The following GSE1 variants were observed in gnomAD, a reference collection of about 807,000 sequenced individuals.
GSE1 encodes genetic suppressor element 1.
In GSE1, 32 loss-of-function variants were observed where a neutral mutation model predicts 112.6. The ratio of observed to expected loss-of-function variants is 0.28; its 90% CI spans 0.21 to 0.38. The LOEUF is 0.38. Ranked by LOEUF, GSE1 falls within the 10% of genes least tolerant of loss-of-function variation. The pLI is 1.00. For synonymous variants in GSE1, 1,115 were observed against 735.6 expected, an observed-to-expected ratio of 1.52 and a Z score of -8.35; for missense variants, 2,348 against 1,699.2, an observed-to-expected ratio of 1.38 and a Z score of -6.71.
intron 11 of GSE1, 140 bp from the exon 12 acceptor site, chr16:85,664,875 G>GCCTGCCCCATCACA: frequency 1.6e-6 from 1 of 630,240 alleles, no homozygotes; most frequent in Non-Finnish European, 2.9e-6. Flanking sequence ...TTTCAACTGG[G>GCCTGCCCCATCACA]CCTGCCCCAT....
chr16:85,258,628 C>T (rs900793901), intron 1 of GSE1, among the ~76,000 whole-genome samples: 44 of 152,272 alleles, frequency 2.9e-4, no homozygotes, highest in East Asian at 1.2e-3. Context: ...AGAGCCCCTT[C>T]TCCGCCTGTG....
intron 1 of GSE1, among the ~76,000 whole-genome samples, chr16:85,335,216 C>T (rs569969125): frequency 2.0e-5 from 3 of 152,372 alleles, no homozygotes; most frequent in East Asian, 1.9e-4. Context: ...ACACCCATCC[C>T]GGGAGGCCCC....
intron 2 of GSE1, among the ~76,000 whole-genome samples, chr16:85,451,182 T>C (rs1299794248): frequency 6.6e-6 from 1 of 151,362 alleles, no homozygotes; most frequent in Non-Finnish European, 1.5e-5. Context: ...CACAATCATA[T>C]ACAGCAAAAC....
intron 2 of GSE1, among the ~76,000 whole-genome samples, chr16:85,472,194 G>A (rs183132227): frequency 1.3e-5 from 2 of 152,262 alleles, no homozygotes; most frequent in East Asian, 1.9e-4. Context: ...TGTTTCCTGG[G>A]GCTGCCATGA....
chr16:85,485,820 C>T (rs2050817208), intron 2 of GSE1, among the ~76,000 whole-genome samples: 1 of 152,198 alleles, frequency 6.6e-6, no homozygotes, highest in Admixed American at 6.5e-5. Flanking sequence ...CCCCCTGCAG[C>T]CCCTACCCAA....
chr16:85,241,745 G>A (rs139578513), intron 1 of GSE1, among the ~76,000 whole-genome samples: 1,923 of 152,198 alleles, frequency 0.013, 43 homozygotes, highest in African/African-American at 0.044. Context: ...TCCTGGAGGC[G>A]GTGTGGCTCC....
rs1250279072 is a variant in GSE1, at chr16:85,668,144, C to T, written c.3135C>T (p.Ser1045=). 8 of 1,573,384 alleles carry T rather than the reference C, an allele frequency of 5.1e-6. No individual in the cohort carries two copies. Among genetic ancestry groups the T allele is most frequent in the East Asian group, 2.2e-5 (1 of 44,458 alleles). ...TQKALQKHKG[S]VAVLSAEQNH... is the part of the protein sequence containing the mutation. ...CAAGCCCTGTCCCCTCCACAGGGAGCGTGGCTGTGCTGTCTGCAGAGCAGA... is the reference window on the plus strand; with the variant it reads ...CAAGCCCTGTCCCCTCCACAGGGAGTGTGGCTGTGCTGTCTGCAGAGCAGA... The change falls in exon 14 of 16, where the codon AGC becomes AGT. Residue 1045 remains serine, a synonymous_variant. Coordinates refer to ENST00000253458, the MANE Select transcript of GSE1 (RefSeq NM_014615.5).
At chr16:85,485,895 A>G (rs886651910) in intron 2 of GSE1, among the ~76,000 whole-genome samples, 1 of 152,142 alleles carries the variant, frequency 6.6e-6, no homozygotes, top group African/African-American at 2.4e-5. Flanking sequence ...TCCCCCAAAC[A>G]CACACAGAGA....
chr16:85,341,648 CTCTG>C (rs1157382026), intron 1 of GSE1, among the ~76,000 whole-genome samples: 3 of 152,006 alleles, frequency 2.0e-5, no homozygotes, highest in Non-Finnish European at 2.9e-5. Context: ...CTGAGTGAAA[CTCTG>C]TCTCTAAATA....
chr16:85,436,020 G>A (rs1270944432), intron 2 of GSE1, among the ~76,000 whole-genome samples: 1 of 152,186 alleles, frequency 6.6e-6, no homozygotes, highest in Non-Finnish European at 1.5e-5. Context: ...TGCATTTCCA[G>A]GGCCAGAACC....
At position 85,326,054 on chromosome 16, in the gene GSE1, T is replaced by A. The variant is rs567323679; in HGVS notation, c.2284-31409T>A. Among the ~76,000 whole-genome samples, 4 of 152,124 alleles carry A rather than the reference T, an allele frequency of 2.6e-5. No individual in the cohort carries two copies. The East Asian group carries it at 7.7e-4, about 29-fold the overall frequency. On this transcript the variant is annotated intron_variant, in intron 1 of 2. Coordinates refer to the GSE1 transcript ENST00000637419. ...GAGCCACCACCCCCAGCTCAGTCAA[T>A]TTTAAAAATACGTTCATATGAAAAA... is the stretch of plus-strand genomic sequence containing the variant.
intron 1 of GSE1, among the ~76,000 whole-genome samples, chr16:85,567,610 T>C (rs1024495338): frequency 4.7e-5 from 7 of 149,370 alleles, no homozygotes; most frequent in African/African-American, 1.8e-4. Flanking sequence ...AGCGGAAAGC[T>C]GCACGGCCTT....
At chr16:85,555,945 C>G (rs1377014059), upstream of GSE1, 1 of 983,806 alleles carries the variant, frequency 1.0e-6, no homozygotes, top group African/African-American at 1.8e-5. Flanking sequence ...CTCCGCCGCG[C>G]TCCCCCCTCC....
intron 2 of GSE1, among the ~76,000 whole-genome samples, chr16:85,481,491 T>A (rs78937248): frequency 6.6e-6 from 1 of 152,136 alleles, no homozygotes; most frequent in African/African-American, 2.4e-5. Flanking sequence ...TGCCAAGGAA[T>A]TGAAGTTAGT....
Position 85,448,124 on chromosome 16 carries a change from C to T in GSE1, c.2464+90481C>T, listed in dbSNP as rs902965891. Reference sequence around the variant, plus strand: ...TCTGGGCTCCTCCGCCTGCCCTGCCCGCATCACCTTCTCTGGAAAAGGATG... The same window carrying T: ...TCTGGGCTCCTCCGCCTGCCCTGCCTGCATCACCTTCTCTGGAAAAGGATG... On this transcript the variant is annotated intron_variant, in intron 2 of 2. Coordinates refer to the GSE1 transcript ENST00000637419. Among the ~76,000 whole-genome samples the T allele has an allele frequency of 2.6e-5, 4 of 152,208 alleles. No homozygotes were observed. The East Asian group carries it at 7.7e-4, about 29-fold the overall frequency.
chr16:85,357,927 C>T (rs2046985020), intron 2 of GSE1, among the ~76,000 whole-genome samples: 1 of 152,112 alleles, frequency 6.6e-6, no homozygotes, highest in African/African-American at 2.4e-5. Context: ...TATACACTCT[C>T]TTGTCTTCAT....
At chr16:85,188,565 G>T (rs1366465988) in intron 1 of GSE1, among the ~76,000 whole-genome samples, 1 of 152,032 alleles carries the variant, frequency 6.6e-6, no homozygotes, top group East Asian at 1.9e-4. Context: ...ACTTTGGGAG[G>T]CTAAGGCAGG....
chr16:85,556,156 GAC>G, exon 1 of GSE1: 1 of 944,530 alleles, frequency 1.1e-6, no homozygotes, highest in Non-Finnish European at 1.2e-6. Context: ...GGGGGGGAAA[GAC>G]TGATTTTTTT....
At chr16:85,632,675 G>A (rs572319898) in intron 1 of GSE1, among the ~76,000 whole-genome samples, 2 of 152,250 alleles carry the variant, frequency 1.3e-5, no homozygotes, top group South Asian at 2.1e-4. Flanking sequence ...GAACCTGGGG[G>A]CCCCCTTGCC....
Sources: allele counts gnomAD v4.1 joint callset (sites outside exome capture counted in the v4.1 genomes callset), GRCh38; gene constraint gnomAD v4.1.1; transcripts MANE v1.5; gene names NCBI Gene and HGNC (gene_info 2026-07-23, HGNC 2026-07-21).